The following PBX1 variants were observed in gnomAD, a reference collection of about 807,000 sequenced individuals.
The protein encoded by PBX1 is pre-B-cell leukemia transcription factor 1.
In PBX1, 6 loss-of-function variants were observed where a neutral mutation model predicts 53.4. The ratio of observed to expected loss-of-function variants is 0.11; its 90% CI spans 0.06 to 0.22. The LOEUF (loss-of-function observed/expected upper bound fraction) is 0.22, where lower values mean the gene tolerates loss of function less well. Among genes scored for constraint, PBX1 ranks in the 10% least tolerant of loss-of-function variants. PBX1 has a pLI of 1.00. For missense variants in PBX1, 251 were observed against 551.4 expected (o/e 0.46, Z 5.46); for synonymous variants, 204 against 212.3 (o/e 0.96, Z 0.34).
chr1:164,847,940 C>A lies in PBX1; in HGVS notation c.*1264C>A. ...CTCAGGGAGCCCCATACAGTACTTA[C>A]AATGTCTTTAATGGACTTGATTCTG... On this transcript the variant is annotated 3_prime_UTR_variant, in exon 9 of 9. Coordinates refer to ENST00000420696, the MANE Select transcript of PBX1 (RefSeq NM_002585.4). 9.5e-6 allele frequency: 10 copies of A among 1,053,380 alleles called. No homozygotes were observed. The highest frequency in any genetic ancestry group is 1.1e-5 in the Non-Finnish European group (10 of 871,812). 65.3% of individuals were successfully genotyped at this position (1,053,380 alleles called of 1,614,324 possible).
chr1:164,578,206 A>G (rs1047373691), intron 2 of PBX1, among the ~76,000 whole-genome samples: 2 of 152,216 alleles, frequency 1.3e-5, no homozygotes, highest in Non-Finnish European at 2.9e-5. Context: ...CTTCTTACCT[A>G]TAATGTCACC....
At chr1:164,884,402 G>A in intron 2 of PBX1, 1 of 256,414 alleles carries the variant, frequency 3.9e-6, no homozygotes. Context: ...GCTGCTCATT[G>A]AGATCTTGCC....
chr1:164,705,343 A>G (rs1663368886), intron 2 of PBX1, among the ~76,000 whole-genome samples: 1 of 152,364 alleles, frequency 6.6e-6, no homozygotes, highest in South Asian at 2.1e-4. Flanking sequence ...TAAAAAATAT[A>G]TTGTTACTAA....
chr1:164,601,914 T>C (rs1241472072), intron 2 of PBX1, among the ~76,000 whole-genome samples: 2 of 152,176 alleles, frequency 1.3e-5, no homozygotes, highest in Non-Finnish European at 2.9e-5. Flanking sequence ...AGATCCTGGC[T>C]GAGAGCAGAG....
intron 2 of PBX1, among the ~76,000 whole-genome samples, chr1:164,649,996 T>C (rs2101919246): frequency 6.6e-6 from 1 of 152,206 alleles, no homozygotes; most frequent in African/African-American, 2.4e-5. Flanking sequence ...CTCCTCTCTC[T>C]GAGGAAGGGA....
rs1448524200 is a variant in PBX1, at chr1:164,624,364, A to AT, written c.265+61057dup. 2.0e-5 allele frequency among the ~76,000 whole-genome samples: 3 copies of AT among 152,230 alleles called. No individual in the cohort carries two copies. In the East Asian group the frequency reaches 5.8e-4, roughly 29 times the overall value. On this transcript the variant is annotated intron_variant, in intron 2 of 8. Coordinates refer to ENST00000420696, the MANE Select transcript of PBX1 (RefSeq NM_002585.4). ...AATAATCTGTATTGTGTCTATCAAC[A>AT]TTTTGATAGTATTGGTAGGAGTAAA...
chr1:164,766,103 T>G (rs775332928), intron 2 of PBX1, among the ~76,000 whole-genome samples: 5 of 152,168 alleles, frequency 3.3e-5, no homozygotes, highest in Non-Finnish European at 7.4e-5. Context: ...TTTAATAAAT[T>G]TGTGACTTGG....
At chr1:164,560,784 G>C (rs1024412205) in intron 1 of PBX1, among the ~76,000 whole-genome samples, 6 of 152,094 alleles carry the variant, frequency 3.9e-5, no homozygotes, top group Non-Finnish European at 8.8e-5. Flanking sequence ...GACACAGACA[G>C]CTATGTAGGG....
At chr1:164,699,429 G>A (rs1271965405) in intron 2 of PBX1, among the ~76,000 whole-genome samples, 3 of 151,984 alleles carry the variant, frequency 2.0e-5, no homozygotes, top group Non-Finnish European at 4.4e-5. Flanking sequence ...AACAAAGATT[G>A]TGGATCCCCA....
intron 8 of PBX1, among the ~76,000 whole-genome samples, chr1:164,840,866 T>G (rs1671254879): frequency 6.6e-6 from 1 of 152,134 alleles, no homozygotes; most frequent in African/African-American, 2.4e-5. Context: ...TACATATAGT[T>G]GGAATGAATT....
intron 2 of PBX1, among the ~76,000 whole-genome samples, chr1:164,712,872 T>C (rs1033380812): frequency 6.6e-6 from 1 of 152,170 alleles, no homozygotes; most frequent in Non-Finnish European, 1.5e-5. Context: ...TTCCACATTC[T>C]CTCCTGCTCT....
At chr1:164,854,109 T>A (rs2102434686), downstream of PBX1, 1 of 152,102 alleles carries the variant, frequency 6.6e-6, no homozygotes, top group South Asian at 2.1e-4. Flanking sequence ...TCTCACCATG[T>A]TGGCCAGGCT....
chr1:164,708,380 T>TC (rs2102066738), intron 2 of PBX1, among the ~76,000 whole-genome samples: 1 of 7,302 alleles, frequency 1.4e-4, no homozygotes, highest in South Asian at 0.026. Flanking sequence ...TATAGTCTTT[T>TC]TTTAAAAAAA....
chr1:164,693,640 G>A (rs1266377198), intron 2 of PBX1, among the ~76,000 whole-genome samples: 1 of 152,148 alleles, frequency 6.6e-6, no homozygotes, highest in Admixed American at 6.5e-5. Context: ...GTCATTGGCT[G>A]TTCTAGTGTG....
At chr1:164,870,216 T>TC (rs879257256) in intron 2 of PBX1, among the ~76,000 whole-genome samples, 13,856 of 98,160 alleles carry the variant, frequency 0.14, 3,611 homozygotes, top group Admixed American at 0.23. Flanking sequence ...TTCTTTTCTT[T>TC]CTTTCCTTCC....
intron 2 of PBX1, among the ~76,000 whole-genome samples, chr1:164,863,722 G>A (rs1015260818): frequency 6.6e-6 from 1 of 152,152 alleles, no homozygotes; most frequent in Non-Finnish European, 1.5e-5. Context: ...TAGATACAAA[G>A]GTTGTGCTGG....
chr1:164,827,765 G>A (rs1670540468), intron 8 of PBX1, among the ~76,000 whole-genome samples: 2 of 152,080 alleles, frequency 1.3e-5, no homozygotes, highest in Admixed American at 6.5e-5. Context: ...GTACAAATGA[G>A]GTCAGATCAT....
At chr1:164,822,107 G>A (rs559875653) in intron 8 of PBX1, among the ~76,000 whole-genome samples, 1 of 152,232 alleles carries the variant, frequency 6.6e-6, no homozygotes, top group African/African-American at 2.4e-5. Flanking sequence ...AAGGGATGGG[G>A]AGGGATGCAG....
At chr1:164,773,955 G>A (rs968973438) in intron 2 of PBX1, among the ~76,000 whole-genome samples, 4 of 152,170 alleles carry the variant, frequency 2.6e-5, no homozygotes, top group Non-Finnish European at 5.9e-5. Context: ...TGTTAGTGAA[G>A]GCAATTTTTT....
Sources: allele counts gnomAD v4.1 joint callset (sites outside exome capture counted in the v4.1 genomes callset), GRCh38; gene constraint gnomAD v4.1.1; transcripts MANE v1.5; gene names NCBI Gene and HGNC (gene_info 2026-07-23, HGNC 2026-07-21).